BANK1: variants seen among roughly 807,000 people sequenced by gnomAD.
The protein encoded by BANK1 is B-cell scaffold protein with ankyrin repeats.
Under a neutral mutation model 94.5 loss-of-function variants are expected in BANK1, and 95 were observed. The ratio of observed to expected loss-of-function variants is 1.00; its 90% CI spans 0.85 to 1.19. The LOEUF (loss-of-function observed/expected upper bound fraction) is 1.19. Ranked by LOEUF, BANK1 falls within the 50% of genes most tolerant of loss-of-function variation. BANK1 has a pLI of 0.00. For synonymous variants in BANK1, 334 were observed against 308.4 expected, an observed-to-expected ratio of 1.08 and a Z score of -0.87; for missense variants, 987 against 932.2, an observed-to-expected ratio of 1.06 and a Z score of -0.77.
intron 7 of BANK1, among the ~76,000 whole-genome samples, chr4:101,926,038 C>T (rs1723141239): frequency 6.6e-6 from 1 of 151,680 alleles, no homozygotes; most frequent in Non-Finnish European, 1.5e-5. Flanking sequence ...AAATATTGTT[C>T]CTGGAAATTC....
intron 1 of BANK1, among the ~76,000 whole-genome samples, chr4:101,823,840 T>C (rs959546413): frequency 1.1e-4 from 16 of 152,212 alleles, no homozygotes; most frequent in African/African-American, 3.9e-4. Flanking sequence ...CTTAAAATTA[T>C]GTGTTGGTAC....
chr4:101,995,453 A>G (rs559191682), intron 7 of BANK1, among the ~76,000 whole-genome samples: 250 of 152,354 alleles, frequency 1.6e-3, no homozygotes, highest in Admixed American at 2.9e-3. Flanking sequence ...TACTTTGGGT[A>G]TATACCCAGT....
At chr4:102,020,871 C>G (rs1230361985) in intron 7 of BANK1, among the ~76,000 whole-genome samples, 1 of 152,110 alleles carries the variant, frequency 6.6e-6, no homozygotes, top group Non-Finnish European at 1.5e-5. Context: ...TTAGCTTTCT[C>G]TCTGAGCACC....
At chr4:101,952,954 A>G (rs1294839768) in intron 7 of BANK1, among the ~76,000 whole-genome samples, 1 of 152,152 alleles carries the variant, frequency 6.6e-6, no homozygotes, top group African/African-American at 2.4e-5. Context: ...AACGGAAAAT[A>G]ACAAATACCC....
chr4:101,822,689 C>G (rs563269449), intron 1 of BANK1, among the ~76,000 whole-genome samples: 3 of 151,030 alleles, frequency 2.0e-5, no homozygotes, highest in African/African-American at 7.3e-5. Flanking sequence ...AATCTCCCTT[C>G]ACTTCAAGCT....
At chr4:102,011,182 G>T (rs1726501895) in intron 7 of BANK1, among the ~76,000 whole-genome samples, 1 of 152,174 alleles carries the variant, frequency 6.6e-6, no homozygotes, top group Admixed American at 6.5e-5. Context: ...TTTCCCCAAA[G>T]GTATGTAAAG....
At chr4:101,813,287 A>G (rs1027945111) in intron 1 of BANK1, among the ~76,000 whole-genome samples, 1 of 152,214 alleles carries the variant, frequency 6.6e-6, no homozygotes, top group Non-Finnish European at 1.5e-5. Flanking sequence ...AATAAGTCAC[A>G]TGTATTTGGT....
At chr4:101,917,933 T>C in intron 6 of BANK1, 60 bp from the exon 7 acceptor site, 1 of 1,307,038 alleles carries the variant, frequency 7.7e-7, no homozygotes, top group Non-Finnish European at 1.1e-6. Context: ...GTGTTAGACC[T>C]TTTAATGAGA....
intron 7 of BANK1, among the ~76,000 whole-genome samples, chr4:101,959,014 A>G (rs1724471550): frequency 6.6e-6 from 1 of 152,224 alleles, no homozygotes; most frequent in Admixed American, 6.5e-5. Context: ...ATATGGATTC[A>G]TGATTATAGC....
rs182231215 is a variant in BANK1 at position 102,033,324 on chromosome 4, T to A, written c.1900+3059T>A. Among the ~76,000 whole-genome samples, 885 of 152,336 alleles carry A rather than the reference T, an allele frequency of 5.8e-3. 7 individuals carry two copies. The highest frequency in any genetic ancestry group is 0.016 in the Admixed American group (238 of 15,304). On this transcript the variant is annotated intron_variant, in intron 10 of 16. Transcript: ENST00000322953. ...CAATTCACAGGACTGGAGAAAGAAC[T>A]TGGGGCCATGACTGGTTTAGGCTTT...
intron 7 of BANK1, among the ~76,000 whole-genome samples, chr4:101,939,846 G>GAA (rs147151901): frequency 9.0e-4 from 135 of 149,272 alleles, no homozygotes; most frequent in African/African-American, 3.1e-3. Context: ...CATAAGCAAA[G>GAA]AAAAAAAAAT....
chr4:101,863,651 T>C (rs1484059898), intron 4 of BANK1, among the ~76,000 whole-genome samples: 1 of 152,122 alleles, frequency 6.6e-6, no homozygotes, highest in African/African-American at 2.4e-5. Flanking sequence ...AAAAACTCCA[T>C]ACTAAACATT....
intron 7 of BANK1, among the ~76,000 whole-genome samples, chr4:101,999,104 A>G (rs1725975108): frequency 6.6e-6 from 1 of 152,088 alleles, no homozygotes. Flanking sequence ...CATTTTCCCC[A>G]TTGTCTTCTA....
At chr4:102,038,001 G>C (rs539322933) in intron 10 of BANK1, among the ~76,000 whole-genome samples, 1 of 152,238 alleles carries the variant, frequency 6.6e-6, no homozygotes, top group South Asian at 2.1e-4. Flanking sequence ...ATACTATCTA[G>C]AACAAAGGGG....
chr4:102,034,762 T>C (rs1727442115), intron 10 of BANK1, among the ~76,000 whole-genome samples: 2 of 152,014 alleles, frequency 1.3e-5, no homozygotes. Context: ...AAGAAACTAA[T>C]GCTCAGTAAG....
intron 7 of BANK1, among the ~76,000 whole-genome samples, chr4:102,005,796 C>G (rs1374396263): frequency 2.6e-5 from 4 of 151,912 alleles, no homozygotes; most frequent in African/African-American, 4.8e-5. Flanking sequence ...TACAGATAAG[C>G]AAACTGAGGG....
At position 102,017,358 on chromosome 4, in the gene BANK1, A is replaced by G. The variant is rs184187862; in HGVS notation, c.1207-4156A>G. 2.3e-3 allele frequency among the ~76,000 whole-genome samples: 348 copies of G among 152,316 alleles called. 1 individual carries two copies. Among genetic ancestry groups the G allele is most frequent in the African/African-American group, 7.9e-3 (329 of 41,554 alleles). On this transcript the variant is annotated intron_variant, in intron 7 of 16. Transcript: ENST00000322953. The stretch of plus-strand genomic sequence containing the variant: ...CAAAGAGTATTAAAATAGGGCTAGA[A>G]TATCTTTTAAAAGGACAGGTCCTCA...
Position 101,825,940 on chromosome 4 carries a change from T to A in BANK1, c.71-3868T>A, listed in dbSNP as rs565284501. ...TTGAAAGACAGGTTATGATTGTCTC[T>A]ATTTTTGATTTCATATAGTTGTCTG... On this transcript the variant is annotated intron_variant, in intron 1 of 16. Coordinates refer to ENST00000322953, the MANE Select transcript of BANK1 (RefSeq NM_017935.5). Among the ~76,000 whole-genome samples the A allele has an allele frequency of 7.6e-4, 116 of 152,200 alleles. 1 individual carries two copies. Among genetic ancestry groups the A allele is most frequent in the African/African-American group, 2.7e-3 (113 of 41,582 alleles).
At chr4:101,873,487 T>C (rs1728373339) in intron 5 of BANK1, among the ~76,000 whole-genome samples, 2 of 152,160 alleles carry the variant, frequency 1.3e-5, no homozygotes, top group Non-Finnish European at 2.9e-5. Context: ...GTTGAGTTTG[T>C]AATAAGAGAC....
Sources: allele counts gnomAD v4.1 joint callset (sites outside exome capture counted in the v4.1 genomes callset), GRCh38; gene constraint gnomAD v4.1.1; transcripts MANE v1.5; gene names NCBI Gene and HGNC (gene_info 2026-07-23, HGNC 2026-07-21).